Variants in FER1L6 observed in about 807,000 individuals in gnomAD.
FER1L6 encodes fer-1 like family member 6.
In FER1L6, 177 loss-of-function variants were observed where a neutral mutation model predicts 219.2. The ratio of observed to expected loss-of-function variants is 0.81; its 90% confidence interval spans 0.71 to 0.91. FER1L6 has a LOEUF of 0.91. FER1L6 is among the 40% of genes least tolerant of loss of function. The pLI is 0.00. For missense variants in FER1L6, 2,153 were observed against 2,259.9 expected (o/e 0.95, Z 0.96); for synonymous variants, 768 against 824.3 (o/e 0.93, Z 1.17).
At chr8:123,983,695 G>C (rs1816425692) in intron 11 of FER1L6, among the ~76,000 whole-genome samples, 3 of 152,158 alleles carry the variant, frequency 2.0e-5, no homozygotes, top group Admixed American at 2.0e-4. Flanking sequence ...CTGAGTAAGT[G>C]ACTTAACATT....
chr8:123,947,694 A>T (rs1209355753), intron 1 of FER1L6, among the ~76,000 whole-genome samples: 1 of 152,348 alleles, frequency 6.6e-6, no homozygotes, highest in East Asian at 1.9e-4. Flanking sequence ...AAACCTCAGC[A>T]TCTAATAAAG....
chr8:123,973,358 G>C, intron 6 of FER1L6, 76 bp from the exon 7 acceptor site: 1 of 1,223,138 alleles, frequency 8.2e-7, no homozygotes, highest in East Asian at 2.3e-5. Flanking sequence ...TCCAGACAGG[G>C]TCAAAGCTAG....
At chr8:123,949,029 A>G (rs1284584093) in intron 1 of FER1L6, among the ~76,000 whole-genome samples, 5 of 152,200 alleles carry the variant, frequency 3.3e-5, no homozygotes. Flanking sequence ...GAGGGAATGC[A>G]TGGGAGAGAT....
intron 12 of FER1L6, among the ~76,000 whole-genome samples, chr8:123,998,926 T>TTCTG: frequency 6.6e-6 from 1 of 152,066 alleles, no homozygotes; most frequent in Non-Finnish European, 1.5e-5. Context: ...TTATGATGAA[T>TTCTG]CCAGGCTTAG....
chr8:124,066,356 A>G, intron 26 of FER1L6, 72 bp from the exon 27 acceptor site: 1 of 1,554,120 alleles, frequency 6.4e-7, no homozygotes, highest in Non-Finnish European at 8.7e-7. Flanking sequence ...TTTCTTCCTC[A>G]CAAGCCAGTT....
chr8:124,032,670 G>A (rs1482339705), intron 18 of FER1L6, among the ~76,000 whole-genome samples: 1 of 149,294 alleles, frequency 6.7e-6, no homozygotes, highest in Non-Finnish European at 1.5e-5. Flanking sequence ...GAGCCCAGGA[G>A]TCAGAGTTTG....
chr8:123,956,195 C>T, intron 2 of FER1L6, 121 bp downstream of exon 2: 1 of 921,256 alleles, frequency 1.1e-6, no homozygotes, highest in East Asian at 2.6e-5. Context: ...TGTGCTGCCC[C>T]CGACCCTTTA....
intron 12 of FER1L6, among the ~76,000 whole-genome samples, chr8:123,990,849 T>C (rs1425019127): frequency 6.6e-6 from 1 of 152,174 alleles, no homozygotes; most frequent in East Asian, 1.9e-4. Flanking sequence ...TTGTGGTTTC[T>C]GGTCTTAGAT....
chr8:124,077,131 T>C (rs1821327819), intron 32 of FER1L6, among the ~76,000 whole-genome samples: 1 of 152,226 alleles, frequency 6.6e-6, no homozygotes, highest in Non-Finnish European at 1.5e-5. Flanking sequence ...TACAACCTTA[T>C]GCAGATGGCT....
chr8:123,857,719 G>C (rs1448854497), intron 1 of FER1L6, among the ~76,000 whole-genome samples: 1 of 152,134 alleles, frequency 6.6e-6, no homozygotes, highest in Non-Finnish European at 1.5e-5. Context: ...AGCAGCAGTG[G>C]TGCAGTGGCT....
intron 2 of FER1L6, among the ~76,000 whole-genome samples, chr8:123,963,047 T>G (rs1259780875): frequency 6.6e-6 from 1 of 152,232 alleles, no homozygotes; most frequent in Non-Finnish European, 1.5e-5. Context: ...CACAGTCCCA[T>G]CCACATAAAT....
chr8:124,032,096 T>C (rs1818993565), intron 18 of FER1L6, among the ~76,000 whole-genome samples: 1 of 152,208 alleles, frequency 6.6e-6, no homozygotes, highest in South Asian at 2.1e-4. Flanking sequence ...TAGAAATGAA[T>C]GATGTTTTTT....
chr8:124,041,339 T>C (rs913691461), intron 20 of FER1L6, among the ~76,000 whole-genome samples: 2 of 152,230 alleles, frequency 1.3e-5, no homozygotes, highest in African/African-American at 4.8e-5. Context: ...GCCATGACAT[T>C]GGCTGATGTT....
chr8:124,118,873 T>TA lies in FER1L6; in HGVS notation c.5320dup (p.Thr1774AsnfsTer6). 8 of 1,614,010 alleles carry TA rather than the reference T, an allele frequency of 5.0e-6. No homozygotes were observed. The highest frequency in any genetic ancestry group is 6.8e-6 in the Non-Finnish European group (8 of 1,179,954). ...AGGTTGAAGCTGAGTTCCACCTAGT[T>TA]ACAGCAGAAGAAGCTGAGAAAAATC... On this transcript the variant is annotated frameshift_variant, in exon 40 of 41. Transcript: ENST00000522917. LOFTEE classifies it high-confidence loss of function.
chr8:123,984,413 T>C (rs1255546874), intron 11 of FER1L6: 3 of 152,218 alleles, frequency 2.0e-5, no homozygotes, highest in Non-Finnish European at 2.9e-5. Context: ...CCTTGTTTTG[T>C]GGTTTTTATT....
At chr8:123,952,375 T>C (rs1814808532) in intron 1 of FER1L6, among the ~76,000 whole-genome samples, 1 of 152,226 alleles carries the variant, frequency 6.6e-6, no homozygotes, top group Non-Finnish European at 1.5e-5. Context: ...CCTGAACAGA[T>C]GTGCTGAGCA....
chr8:124,101,541 T>C (rs1822549514), intron 38 of FER1L6, among the ~76,000 whole-genome samples: 1 of 152,206 alleles, frequency 6.6e-6, no homozygotes, highest in African/African-American at 2.4e-5. Context: ...CTACATATTC[T>C]AAAAGACTTA....
intron 18 of FER1L6, among the ~76,000 whole-genome samples, chr8:124,030,464 T>G (rs1818908575): frequency 6.6e-6 from 1 of 152,104 alleles, no homozygotes; most frequent in South Asian, 2.1e-4. Context: ...TTTAGTCTTA[T>G]CCCCACTGTG....
intron 11 of FER1L6, chr8:123,985,771 A>G (rs1291950274): frequency 7.8e-6 from 2 of 255,078 alleles, no homozygotes; most frequent in East Asian, 1.8e-4. Flanking sequence ...CACCAGCAGC[A>G]TCCTAGAAAG....
Sources: gnomAD v4.1 joint callset for allele counts (sites outside exome capture counted in the v4.1 genomes callset) on GRCh38, gnomAD v4.1.1 for gene constraint, MANE v1.5 for transcripts, NCBI Gene and HGNC (gene_info 2026-07-23, HGNC 2026-07-21) for gene names.